The following ROCK2 variants were observed in gnomAD, a reference collection of about 807,000 sequenced individuals.
ROCK2 encodes the protein Rho associated coiled-coil containing protein kinase 2, also known as rho-associated protein kinase 2.
In ROCK2, 61 loss-of-function variants were observed where a neutral mutation model predicts 195.1. The ratio of observed to expected loss-of-function variants is 0.31; its 90% CI spans 0.25 to 0.39. ROCK2 has a LOEUF of 0.39. Ranked by LOEUF, ROCK2 falls within the 10% of genes least tolerant of loss-of-function variation. ROCK2 has a pLI of 1.00. For synonymous variants in ROCK2, 504 were observed against 545.5 expected, an observed-to-expected ratio of 0.92 and a Z score of 1.06; for missense variants, 1,109 against 1,637.4, an observed-to-expected ratio of 0.68 and a Z score of 5.57.
At chr2:11,315,184 AAC>A (rs2148237320) in intron 1 of ROCK2, among the ~76,000 whole-genome samples, 1 of 152,212 alleles carries the variant, frequency 6.6e-6, no homozygotes, top group East Asian at 1.9e-4. Context: ...AAAAAAGTAA[AAC>A]AATTATTCTG....
rs1369926282 is a variant in ROCK2 at position 11,201,227 on chromosome 2, T to A, written c.2723+83A>T. The A allele has an allele frequency of 6.6e-6, 10 of 1,526,248 alleles. No individual in the cohort carries two copies. The highest frequency in any genetic ancestry group is 3.4e-4 in the Middle Eastern group (2 of 5,814). 94.5% of individuals were successfully genotyped at this position (1,526,248 alleles called of 1,614,324 possible). On this transcript the variant is annotated intron_variant, in intron 22 of 32. Coordinates refer to ENST00000315872, the MANE Select transcript of ROCK2 (RefSeq NM_004850.5). The surrounding 1 kb of genome is among the most constrained non-coding windows in gnomAD (Gnocchi z 4.6). ...TTGTCTAATTCACTTCATCAATAAT[T>A]TTTTATTTGGTGATTACCAGGCATT...
chr2:11,216,033 C>G, intron 13 of ROCK2, 125 bp downstream of exon 13: 1 of 745,310 alleles, frequency 1.3e-6, no homozygotes, highest in South Asian at 1.7e-5. Context: ...TAGTCCTATC[C>G]ACCAATACTA....
intron 1 of ROCK2, among the ~76,000 whole-genome samples, chr2:11,325,945 T>C (rs1479638215): frequency 1.3e-5 from 2 of 152,180 alleles, no homozygotes; most frequent in East Asian, 1.9e-4. Flanking sequence ...TAACAGACAC[T>C]AGATTTTTGG....
chr2:11,220,785 G>C (rs745869311), intron 9 of ROCK2, among the ~76,000 whole-genome samples: 4 of 152,154 alleles, frequency 2.6e-5, no homozygotes, highest in Middle Eastern at 3.4e-3. Flanking sequence ...TCTTCCCAGA[G>C]GTCTGACCTA....
intron 1 of ROCK2, among the ~76,000 whole-genome samples, chr2:11,321,064 C>T (rs952298867): frequency 3.3e-5 from 5 of 152,142 alleles, no homozygotes; most frequent in Admixed American, 6.5e-5. Flanking sequence ...CTACAATTCA[C>T]GGGACTTGAG....
At position 11,181,947 on chromosome 2, in the gene ROCK2, A is replaced by T. The variant is rs1479047578; in HGVS notation, c.*1490T>A. 6.6e-6 allele frequency: 1 copy of T among 152,052 alleles called. No individual in the cohort carries two copies. The highest frequency in any genetic ancestry group is 1.9e-4 in the East Asian group (1 of 5,198). The allele number at this position is 152,052 out of a possible 1,614,324, so 9.4% of individuals were successfully genotyped here. ...CATGCCTGGCCAGATGATGTATTTA[A>T]ATATCATACCAAACTCTGTGTATTT... On this transcript the variant is annotated 3_prime_UTR_variant, in exon 33 of 33. Coordinates refer to ENST00000315872, the MANE Select transcript of ROCK2 (RefSeq NM_004850.5).
chr2:11,273,412 AC>A (rs575576032), intron 3 of ROCK2, among the ~76,000 whole-genome samples: 129 of 152,306 alleles, frequency 8.5e-4, no homozygotes, highest in African/African-American at 1.9e-3. Context: ...ACAAAAAAAA[AC>A]ATTATATCTT....
chr2:11,247,656 T>C (rs1023888959), intron 4 of ROCK2, among the ~76,000 whole-genome samples: 1 of 152,226 alleles, frequency 6.6e-6, no homozygotes, highest in African/African-American at 2.4e-5. Context: ...AATCCGCTAC[T>C]ATGAAAGCAA....
chr2:11,263,605 A>T (rs535517442), intron 3 of ROCK2, among the ~76,000 whole-genome samples: 13 of 12,110 alleles, frequency 1.1e-3, no homozygotes, highest in Admixed American at 1.9e-3. Flanking sequence ...TTACATTATT[A>T]AAAAAAAAAA....
intron 1 of ROCK2, among the ~76,000 whole-genome samples, chr2:11,305,741 T>C (rs996879181): frequency 3.3e-5 from 5 of 152,194 alleles, no homozygotes; most frequent in Non-Finnish European, 7.3e-5. Context: ...ACATACACAA[T>C]GTATCAATGT....
At chr2:11,234,516 T>A (rs189479173) in intron 5 of ROCK2, 1 of 152,118 alleles carries the variant, frequency 6.6e-6, no homozygotes, top group Non-Finnish European at 1.5e-5. Context: ...TTATACCAAA[T>A]ACCACAAGAG....
chr2:11,253,324 AC>A (rs1171456310), intron 3 of ROCK2, among the ~76,000 whole-genome samples: 1 of 152,146 alleles, frequency 6.6e-6, no homozygotes, highest in African/African-American at 2.4e-5. Context: ...CTCTAATATA[AC>A]GAAACTTTCC....
At chr2:11,213,540 G>C (rs73917511) in intron 17 of ROCK2, among the ~76,000 whole-genome samples, 3,877 of 149,268 alleles carry the variant, frequency 0.026, 82 homozygotes, top group East Asian at 0.052. Flanking sequence ...CTGAACAGTT[G>C]CAAGACCATA....
At chr2:11,196,713 G>A (rs1054157146) in intron 27 of ROCK2, among the ~76,000 whole-genome samples, 5 of 152,162 alleles carry the variant, frequency 3.3e-5, no homozygotes, top group African/African-American at 1.2e-4. Context: ...CGATGAAATG[G>A]GTAAGTAAGG....
intron 1 of ROCK2, among the ~76,000 whole-genome samples, chr2:11,317,595 TATATATATA>T (rs1194994318): frequency 0.017 from 265 of 15,956 alleles, 19 homozygotes; most frequent in Middle Eastern, 0.022. Flanking sequence ...TATATATATA[TATATATATA>T]TATATATATT....
chr2:11,336,313 C>G (rs1414719100), intron 1 of ROCK2, among the ~76,000 whole-genome samples: 1 of 152,180 alleles, frequency 6.6e-6, no homozygotes, highest in African/African-American at 2.4e-5. Flanking sequence ...TGCAGCAGCA[C>G]CATCACAGCT....
chr2:11,314,230 T>G (rs1284577594), intron 1 of ROCK2, among the ~76,000 whole-genome samples: 1 of 151,972 alleles, frequency 6.6e-6, no homozygotes, highest in East Asian at 1.9e-4. Context: ...GTTCTCCTCA[T>G]AGTCTAATGT....
At chr2:11,254,439 G>A (rs1296424173) in intron 3 of ROCK2, among the ~76,000 whole-genome samples, 1 of 152,114 alleles carries the variant, frequency 6.6e-6, no homozygotes, top group Non-Finnish European at 1.5e-5. Flanking sequence ...AGCAAGGAGA[G>A]GGAGATCCCT....
intron 1 of ROCK2, among the ~76,000 whole-genome samples, chr2:11,337,553 G>T (rs908582912): frequency 7.2e-5 from 11 of 152,054 alleles, no homozygotes; most frequent in African/African-American, 2.6e-4. Context: ...TGTCGGGGAA[G>T]ATGTGGAGCA....
Sources: gnomAD v4.1 joint callset for allele counts (sites outside exome capture counted in the v4.1 genomes callset) on GRCh38, gnomAD v4.1.1 for gene constraint, Gnocchi (gnomAD v3.1) non-coding constraint, MANE v1.5 for transcripts, NCBI Gene and HGNC (gene_info 2026-07-23, HGNC 2026-07-21) for gene names.